The following DSCAM variants were observed in gnomAD, a reference collection of about 807,000 sequenced individuals.
DSCAM encodes cell adhesion molecule DSCAM.
Under a neutral mutation model 217.7 loss-of-function variants are expected in DSCAM, and 47 were observed. That is an observed-to-expected ratio of 0.22 (90% CI 0.17 to 0.28). The LOEUF is 0.28. Among genes scored for constraint, DSCAM ranks in the 10% least tolerant of loss-of-function variants. DSCAM has a pLI of 1.00. For synonymous variants in DSCAM, 1,056 were observed against 1,015.3 expected (o/e 1.04, Z -0.76); for missense variants, 2,080 against 2,618.3 (o/e 0.79, Z 4.49).
intron 8 of DSCAM, among the ~76,000 whole-genome samples, chr21:40,332,303 C>T (rs1374972320): frequency 6.6e-6 from 1 of 152,148 alleles, no homozygotes; most frequent in East Asian, 1.9e-4. Flanking sequence ...CTGAGAGTCA[C>T]CACGGGTTGT....
intron 3 of DSCAM, among the ~76,000 whole-genome samples, chr21:40,544,902 TAATTA>T: frequency 6.7e-6 from 1 of 148,598 alleles, no homozygotes; most frequent in Admixed American, 6.6e-5. Context: ...CACTTTTATT[TAATTA>T]AAAGTTTCCA....
intron 10 of DSCAM, among the ~76,000 whole-genome samples, chr21:40,286,447 C>A (rs1480784545): frequency 6.6e-6 from 1 of 152,182 alleles, no homozygotes; most frequent in African/African-American, 2.4e-5. Flanking sequence ...CAGAGCAGGA[C>A]AAAGGGACCA....
At chr21:40,402,916 A>G (rs138001890) in intron 3 of DSCAM, among the ~76,000 whole-genome samples, 92 of 152,310 alleles carry the variant, frequency 6.0e-4, no homozygotes, top group African/African-American at 2.1e-3. Flanking sequence ...AAGAGAGACA[A>G]GTACAGGAAA....
At chr21:40,432,445 G>A (rs1323861749) in intron 3 of DSCAM, among the ~76,000 whole-genome samples, 1 of 152,008 alleles carries the variant, frequency 6.6e-6, no homozygotes, top group Non-Finnish European at 1.5e-5. Context: ...TGTCTTATGA[G>A]GACCCTTGGG....
At chr21:40,721,181 G>A (rs1278812763) in intron 1 of DSCAM, among the ~76,000 whole-genome samples, 1 of 152,106 alleles carries the variant, frequency 6.6e-6, no homozygotes, top group Non-Finnish European at 1.5e-5. Flanking sequence ...CTGAGTCTAA[G>A]TAATTGAACT....
intron 3 of DSCAM, among the ~76,000 whole-genome samples, chr21:40,593,327 T>TA (rs2076997620): frequency 6.6e-6 from 1 of 151,720 alleles, no homozygotes; most frequent in East Asian, 1.9e-4. Flanking sequence ...TCTCTTTTTT[T>TA]TTTTTCCTCT....
chr21:40,447,483 T>G (rs2075684373), intron 3 of DSCAM, among the ~76,000 whole-genome samples: 1 of 152,232 alleles, frequency 6.6e-6, no homozygotes, highest in Non-Finnish European at 1.5e-5. Context: ...AAGGCTATAG[T>G]GTGTAAGAGT....
At chr21:40,840,038 C>T (rs148065897) in intron 1 of DSCAM, among the ~76,000 whole-genome samples, 2 of 152,146 alleles carry the variant, frequency 1.3e-5, no homozygotes, top group Admixed American at 6.5e-5. Context: ...AAAAAATCAG[C>T]GTTGATCACA....
intron 3 of DSCAM, among the ~76,000 whole-genome samples, chr21:40,523,492 C>A (rs773810622): frequency 6.6e-6 from 1 of 152,000 alleles, no homozygotes; most frequent in Non-Finnish European, 1.5e-5. Context: ...CCGGTGAATG[C>A]CGCAGAGTTT....
intron 3 of DSCAM, among the ~76,000 whole-genome samples, chr21:40,402,042 CTTATT>C (rs2075238874): frequency 9.1e-6 from 1 of 110,170 alleles, no homozygotes; most frequent in Non-Finnish European, 1.9e-5. Flanking sequence ...TCTTATTATT[CTTATT>C]CCTTTTTTTT....
intron 3 of DSCAM, among the ~76,000 whole-genome samples, chr21:40,432,979 G>A (rs1177541701): frequency 6.6e-6 from 1 of 152,108 alleles, no homozygotes; most frequent in African/African-American, 2.4e-5. Context: ...CATTTCTGTT[G>A]TAACCATTTT....
chr21:40,287,484 C>A (rs941556827), intron 10 of DSCAM, among the ~76,000 whole-genome samples: 6 of 152,178 alleles, frequency 3.9e-5, no homozygotes, highest in African/African-American at 1.4e-4. Flanking sequence ...TCAAGGTGAG[C>A]CTTTCCAGGG....
chr21:40,786,962 T>A (rs1053096402), intron 1 of DSCAM, among the ~76,000 whole-genome samples: 4 of 152,316 alleles, frequency 2.6e-5, no homozygotes, highest in Non-Finnish European at 4.4e-5. Flanking sequence ...GTTTGCAAAC[T>A]TGCCAACTGG....
chr21:40,653,964 G>A (rs748186057), intron 3 of DSCAM, among the ~76,000 whole-genome samples: 4 of 151,730 alleles, frequency 2.6e-5, no homozygotes, highest in African/African-American at 7.3e-5. Flanking sequence ...GCATTGTGGC[G>A]GGCACCTGTA....
At chr21:40,296,310 C>T (rs77937644) in intron 9 of DSCAM, 136 bp from the exon 10 acceptor site, 25,510 of 1,093,878 alleles carry the variant, frequency 0.023, 1,392 homozygotes, top group East Asian at 0.22. Context: ...AATAAAAACA[C>T]TATTGGCAGT....
chr21:40,431,091 A>G (rs1384108944), intron 3 of DSCAM, among the ~76,000 whole-genome samples: 2 of 152,212 alleles, frequency 1.3e-5, no homozygotes, highest in African/African-American at 4.8e-5. Context: ...ATAGAACAAA[A>G]ATAGTTATCC....
intron 3 of DSCAM, among the ~76,000 whole-genome samples, chr21:40,434,737 T>A (rs1425989414): frequency 6.6e-6 from 1 of 152,202 alleles, no homozygotes; most frequent in Non-Finnish European, 1.5e-5. Flanking sequence ...TAATTATTTG[T>A]TATTCTCAAT....
chr21:40,056,433 T>A lies in DSCAM; in HGVS notation c.4920-593A>T, dbSNP rs12106462. On this transcript the variant is annotated intron_variant, in intron 28 of 32. Coordinates refer to ENST00000400454, the MANE Select transcript of DSCAM (RefSeq NM_001389.5). The stretch of plus-strand genomic sequence containing the variant: ...AAGCAATTACTATCATAATTTAATC[T>A]CAAAATTTGTGTATCAGAAGATTAC... Among the ~76,000 whole-genome samples, 508 of 151,548 alleles carry A rather than the reference T, an allele frequency of 3.4e-3. 5 individuals are homozygous for A. The highest frequency in any genetic ancestry group is 0.012 in the African/African-American group (489 of 40,842).
chr21:40,677,272 GAA>G (rs1197356241), intron 3 of DSCAM, among the ~76,000 whole-genome samples: 1 of 152,092 alleles, frequency 6.6e-6, no homozygotes, highest in Non-Finnish European at 1.5e-5. Flanking sequence ...AGAGATCAGA[GAA>G]AAGAGTGTGG....
Sources: gnomAD v4.1 joint callset for allele counts (sites outside exome capture counted in the v4.1 genomes callset) on GRCh38, gnomAD v4.1.1 for gene constraint, MANE v1.5 for transcripts, NCBI Gene and HGNC (gene_info 2026-07-23, HGNC 2026-07-21) for gene names.